Variants in SPATS2L observed in about 807,000 individuals in gnomAD.
SPATS2L encodes the protein spermatogenesis associated serine rich 2 like, also known as SPATS2-like protein.
In SPATS2L, 30 loss-of-function variants were observed where a neutral mutation model predicts 59.6. The ratio of observed to expected loss-of-function variants is 0.50; its 90% CI spans 0.38 to 0.68. SPATS2L has a LOEUF of 0.68. Among genes scored for constraint, SPATS2L ranks in the 30% least tolerant of loss-of-function variants. SPATS2L has a pLI of 0.00. For missense variants in SPATS2L, 615 were observed against 700.0 expected, an observed-to-expected ratio of 0.88 and a Z score of 1.37; for synonymous variants, 252 against 263.5, an observed-to-expected ratio of 0.96 and a Z score of 0.42.
chr2:200,391,021 A>G (rs1195685362), intron 3 of SPATS2L, among the ~76,000 whole-genome samples: 1 of 151,952 alleles, frequency 6.6e-6, no homozygotes, highest in African/African-American at 2.4e-5. Context: ...TTATCTAGGT[A>G]TGGTGCCAGA....
At chr2:200,376,892 C>T (rs916350639) in intron 2 of SPATS2L, among the ~76,000 whole-genome samples, 5 of 152,118 alleles carry the variant, frequency 3.3e-5, no homozygotes, top group African/African-American at 1.2e-4. Context: ...GGAAAAGGGA[C>T]GGGTGTAGCC....
intron 11 of SPATS2L, 53 bp downstream of exon 11, chr2:200,470,069 T>G (rs1287955758): frequency 7.0e-7 from 1 of 1,434,672 alleles, no homozygotes; most frequent in African/African-American, 1.4e-5. Context: ...TTGGTGCTAT[T>G]TGGAGTTGCT....
At chr2:200,464,938 C>T (rs974357522) in intron 9 of SPATS2L, among the ~76,000 whole-genome samples, 1 of 151,832 alleles carries the variant, frequency 6.6e-6, no homozygotes, top group African/African-American at 2.4e-5. Flanking sequence ...GGATCCTAAA[C>T]AGTCTTAAGT....
chr2:200,429,021 T>C (rs886097293), intron 6 of SPATS2L, among the ~76,000 whole-genome samples: 2 of 152,242 alleles, frequency 1.3e-5, no homozygotes, highest in Non-Finnish European at 2.9e-5. Context: ...AACACAAATC[T>C]GACCTCTTAC....
Position 200,440,745 on chromosome 2 carries a change from TGAA to T in SPATS2L, c.755_757del (p.Lys252del). 1 of 1,613,624 alleles carries T rather than the reference TGAA, an allele frequency of 6.2e-7. No homozygotes were observed. The highest frequency in any genetic ancestry group is 8.5e-7 in the Non-Finnish European group (1 of 1,179,652). ...ATTAAGGAAGAAGTGGATAGTTCCG[TGAA>T]GAAGATCAAAGCTGCCTTTGCTGAA... On this transcript the variant is annotated inframe_deletion, in exon 8 of 13. Coordinates refer to ENST00000409140, the MANE Select transcript of SPATS2L (RefSeq NM_001100423.2).
chr2:200,426,703 C>G lies in SPATS2L; in HGVS notation c.445+7207C>G, dbSNP rs188207950. On this transcript the variant is annotated intron_variant, in intron 6 of 12. Coordinates refer to ENST00000409140, the MANE Select transcript of SPATS2L (RefSeq NM_001100423.2). ...GATCACACCACTGTACCCCAGCCTG[C>G]GCAATGAAGCAAGACCCCGCCTCAA... 1.1e-4 allele frequency among the ~76,000 whole-genome samples: 17 copies of G among 152,244 alleles called. 1 individual carries two copies. In the Middle Eastern group the frequency reaches 0.017, roughly 152 times the overall value.
At chr2:200,356,995 T>C (rs1443837903) in intron 2 of SPATS2L, among the ~76,000 whole-genome samples, 5 of 152,218 alleles carry the variant, frequency 3.3e-5, no homozygotes, top group Non-Finnish European at 7.3e-5. Context: ...CCAGCACTGC[T>C]GCATTGGGGA....
At chr2:200,399,054 T>C (rs2082439730) in intron 3 of SPATS2L, among the ~76,000 whole-genome samples, 1 of 152,150 alleles carries the variant, frequency 6.6e-6, no homozygotes, top group Non-Finnish European at 1.5e-5. Flanking sequence ...AACTTAATGT[T>C]TTTCTTTCTT....
chr2:200,355,809 C>T (rs1273689802), intron 2 of SPATS2L, among the ~76,000 whole-genome samples: 2 of 151,816 alleles, frequency 1.3e-5, no homozygotes, highest in African/African-American at 4.9e-5. Context: ...TCTCTGACTT[C>T]AGTATTATGC....
At position 200,472,899 on chromosome 2, in the gene SPATS2L, G is replaced by A. The variant is rs752637429; in HGVS notation, c.1128G>A (p.Ala376=). 32 of 1,613,666 alleles carry A rather than the reference G, an allele frequency of 2.0e-5. No homozygotes were observed. The highest frequency in any genetic ancestry group is 1.2e-4 in the Admixed American group (7 of 59,984). The change falls in exon 12 of 13, where the codon GCG becomes GCA. Residue 376 remains alanine, a synonymous_variant. Coordinates refer to ENST00000409140, the MANE Select transcript of SPATS2L (RefSeq NM_001100423.2). ...PCSSLLPLLN[A]HAATSGKQSN... is the part of the protein sequence containing the mutation. ...GCTCCCTGCTGCCTCTGCTGAATGC[G>A]CACGCAGCAACCTCTGGGAAACAGA... is the stretch of plus-strand genomic sequence containing the variant.
At chr2:200,401,432 C>T (rs557169493) in intron 3 of SPATS2L, among the ~76,000 whole-genome samples, 10 of 152,234 alleles carry the variant, frequency 6.6e-5, no homozygotes, top group East Asian at 1.9e-4. Context: ...CGTGCCCTCT[C>T]GAAGAGTTTT....
intron 6 of SPATS2L, among the ~76,000 whole-genome samples, chr2:200,433,277 T>TA (rs1166121844): frequency 6.6e-6 from 1 of 151,984 alleles, no homozygotes; most frequent in African/African-American, 2.4e-5. Context: ...ACATATAGAT[T>TA]AAAAATCAGT....
rs1000597732 is a variant in SPATS2L, at chr2:200,403,215, T to G, written c.40-9096T>G. On this transcript the variant is annotated intron_variant, in intron 3 of 12. Coordinates refer to ENST00000409140, the MANE Select transcript of SPATS2L (RefSeq NM_001100423.2). ...AAGGCAGGTGCAGGTCTCACAGTCC[T>G]CTGCTCTAATCCAACCACTTCTGGA... Among the ~76,000 whole-genome samples, 10 of 152,314 alleles carry G rather than the reference T, an allele frequency of 6.6e-5. No individual in the cohort carries two copies. In the East Asian group the frequency reaches 1.9e-3, roughly 29 times the overall value.
In SPATS2L at chr2:200,439,269, A is replaced by G; in HGVS notation, c.593A>G (p.Lys198Arg). 6.2e-7 allele frequency: 1 copy of G among 1,613,746 alleles called. No homozygotes were observed. Among genetic ancestry groups the G allele is most frequent in the Non-Finnish European group, 8.5e-7 (1 of 1,179,724 alleles). The part of the protein sequence containing the change: ...SKPKAKTSPV[K>R]SNTPAAHLEI... Reference sequence around the variant, plus strand: ...CCTAAGGCAAAAACATCTCCTGTTAAGTCCAATACCCCTGCAGCTCATCTT... The same window carrying G: ...CCTAAGGCAAAAACATCTCCTGTTAGGTCCAATACCCCTGCAGCTCATCTT... The change falls in exon 7 of 13, where the codon AAG becomes AGG. Residue 198 changes from lysine to arginine, a missense_variant. Physicochemically the swap from Lys to Arg is conservative, Grantham distance 26. This residue lies in a region of SPATS2L where 227 missense variants were observed against 257.4 expected (regional missense o/e 0.88). Transcript: ENST00000409140.
chr2:200,452,312 TGTG>T (rs2085515807), intron 8 of SPATS2L, among the ~76,000 whole-genome samples: 1 of 152,254 alleles, frequency 6.6e-6, no homozygotes, highest in African/African-American at 2.4e-5. Flanking sequence ...CATTTAATGT[TGTG>T]GGATTTCCAT....
Position 200,477,515 on chromosome 2 carries a change from T to TAAAAAAAA in SPATS2L, c.1282-105_1282-98dup, listed in dbSNP as rs59073895. The stretch of plus-strand genomic sequence containing the variant: ...CATGTTTTCTGATTCTTCTGGTGTA[T>TAAAAAAAA]AAAAAAAAAAAAAAAAAAAAAAAGC... On this transcript the variant is annotated intron_variant, in intron 12 of 12. Coordinates refer to ENST00000409140, the MANE Select transcript of SPATS2L (RefSeq NM_001100423.2). The TAAAAAAAA allele has an allele frequency of 1.8e-4, 53 of 302,670 alleles. 3 individuals carry two copies. The African/African-American group carries it at 1.8e-3, about 10-fold the overall frequency. 18.7% of individuals were successfully genotyped at this position (302,670 alleles called of 1,614,324 possible). A position where few individuals can be genotyped will look rare whatever the true frequency, so the allele number is the denominator to read the frequency against.
chr2:200,309,212 G>A, intron 1 of SPATS2L: 1 of 708,724 alleles, frequency 1.4e-6, no homozygotes, highest in African/African-American at 1.7e-5. Flanking sequence ...GAATGTTCGT[G>A]AATGGTTGTG....
intron 2 of SPATS2L, among the ~76,000 whole-genome samples, chr2:200,366,258 A>G (rs535352844): frequency 6.6e-5 from 10 of 152,308 alleles, no homozygotes; most frequent in African/African-American, 2.4e-4. Context: ...CCACTTACAT[A>G]CATTAACAGT....
chr2:200,439,355 A>T (rs373506333), intron 7 of SPATS2L, 27 bp downstream of exon 7: 201 of 1,578,150 alleles, frequency 1.3e-4, no homozygotes, highest in Middle Eastern at 1.7e-4. Context: ...TGCACAAATG[A>T]TTCAACATAT....
Sources: allele counts gnomAD v4.1 joint callset (sites outside exome capture counted in the v4.1 genomes callset), GRCh38; gene constraint gnomAD v4.1.1; regional missense constraint gnomAD v4.1.1; transcripts MANE v1.5; gene names NCBI Gene and HGNC (gene_info 2026-07-23, HGNC 2026-07-21).